SLC2A9: variants seen among roughly 807,000 people sequenced by gnomAD.
The protein encoded by SLC2A9 is solute carrier family 2, facilitated glucose transporter member 9.
In SLC2A9, 39 loss-of-function variants were observed where a neutral mutation model predicts 50.6. The ratio of observed to expected loss-of-function variants is 0.77; its 90% confidence interval spans 0.60 to 1.01. The LOEUF (loss-of-function observed/expected upper bound fraction) is 1.01. SLC2A9 is among the 50% of genes least tolerant of loss of function. The probability of loss-of-function intolerance (pLI) is 0.00; values close to 1 mark genes in which losing one functional copy is unlikely to be tolerated. For missense variants in SLC2A9, 686 were observed against 677.6 expected (o/e 1.01, Z -0.14); for synonymous variants, 324 against 276.9 (o/e 1.17, Z -1.69).
chr4:10,024,480 C>A (rs1206809059), upstream of SLC2A9, among the ~76,000 whole-genome samples: 1 of 152,112 alleles, frequency 6.6e-6, no homozygotes, highest in Non-Finnish European at 1.5e-5. Flanking sequence ...CACGTGAGGA[C>A]GCAGGGAGAA....
At chr4:9,844,150 A>T (rs1205771740) in intron 10 of SLC2A9, among the ~76,000 whole-genome samples, 1 of 16,748 alleles carries the variant, frequency 6.0e-5, no homozygotes, top group Non-Finnish European at 2.1e-4. Flanking sequence ...CAGATTTAGT[A>T]AAAAAAAAAT....
rs1393552557 is a variant in SLC2A9, at chr4:9,980,724, A to G, written c.549T>C (p.Ser183=). 1 of 1,614,190 alleles carries G rather than the reference A, an allele frequency of 6.2e-7. No individual in the cohort carries two copies. The highest frequency in any genetic ancestry group is 8.5e-7 in the Non-Finnish European group (1 of 1,180,016). Residue 183 remains serine, a synonymous_variant, in exon 5 of 12, where the codon AGT becomes AGC. Coordinates refer to ENST00000264784, the MANE Select transcript of SLC2A9 (RefSeq NM_020041.3). ...TCTCACTAAGGTACATGGGGAGCAC[A>G]CTGAGGGCGACGCCTGTAGAGAGAA... ...IMGIDGGVAL[S]VLPMYLSEIS...
At chr4:9,805,334 C>T (rs898474695) in intron 3 of SLC2A9, among the ~76,000 whole-genome samples, 10 of 152,218 alleles carry the variant, frequency 6.6e-5, no homozygotes, top group South Asian at 2.1e-4. Context: ...TCTGCTCAGA[C>T]GCAACACACA....
At chr4:9,966,889 G>A (rs1245243565) in intron 5 of SLC2A9, among the ~76,000 whole-genome samples, 3 of 152,100 alleles carry the variant, frequency 2.0e-5, no homozygotes, top group Admixed American at 6.5e-5. Context: ...ATCATACATA[G>A]AAATGAATTT....
Position 9,990,113 on chromosome 4 carries a change from C to T in SLC2A9, c.411-4320G>A, listed in dbSNP as rs1368611071. On this transcript the variant is annotated intron_variant, in intron 3 of 11. Coordinates refer to ENST00000264784, the MANE Select transcript of SLC2A9 (RefSeq NM_020041.3). Reference sequence around the variant, plus strand: ...GCTGTGCTCCCCGCTTGGCTGCATGCTTCAGGAGGACAGGGACTTTGGCAG... The same window carrying T: ...GCTGTGCTCCCCGCTTGGCTGCATGTTTCAGGAGGACAGGGACTTTGGCAG... Among the ~76,000 whole-genome samples, 9 of 152,072 alleles carry T rather than the reference C, an allele frequency of 5.9e-5. No homozygotes were observed. The South Asian group carries it at 6.2e-4, about 10-fold the overall frequency.
intron 3 of SLC2A9, among the ~76,000 whole-genome samples, chr4:9,810,217 C>T (rs184033171): frequency 6.6e-6 from 1 of 151,948 alleles, no homozygotes; most frequent in African/African-American, 2.4e-5. Context: ...AGAACATTAC[C>T]GAGTGCACAG....
intron 8 of SLC2A9, 145 bp downstream of exon 8, chr4:9,908,090 A>G (rs1322008160): frequency 1.4e-6 from 1 of 699,278 alleles, no homozygotes; most frequent in Non-Finnish European, 2.6e-6. Context: ...TAAAACCAAG[A>G]GTTTGCTGAA....
At chr4:9,800,879 C>A (rs1009167481) in intron 3 of SLC2A9, among the ~76,000 whole-genome samples, 4 of 152,148 alleles carry the variant, frequency 2.6e-5, no homozygotes, top group Admixed American at 2.0e-4. Context: ...GTCCTGAAAC[C>A]AATAGCCATG....
At chr4:10,007,096 T>A (rs1465405411) in intron 2 of SLC2A9, among the ~76,000 whole-genome samples, 2 of 152,230 alleles carry the variant, frequency 1.3e-5, no homozygotes, top group Non-Finnish European at 2.9e-5. Context: ...GTTCCACCAC[T>A]GTGATCAGTC....
downstream of SLC2A9, among the ~76,000 whole-genome samples, chr4:9,777,278 C>T (rs1353685715): frequency 2.0e-5 from 3 of 148,250 alleles, no homozygotes; most frequent in African/African-American, 7.4e-5. Context: ...AAAGAGCTCC[C>T]TTGCCCCCGT....
In SLC2A9 at chr4:9,826,534, A is replaced by G. The variant is rs759684918; in HGVS notation, c.1486T>C (p.Tyr496His). ...TTTTTGGTCTCAGGCAGCACAAAATACAGGTAGATAGCACCTGTGATACAA... is the reference window on the plus strand; with the variant it reads ...TTTTTGGTCTCAGGCAGCACAAAATGCAGGTAGATAGCACCTGTGATACAA... ...TICITGAIYLYFVLPETKNRT... is the reference protein window; with the variant it reads ...TICITGAIYLHFVLPETKNRT... Residue 496 changes from tyrosine (Y) to histidine (H), a missense_variant, in exon 12 of 12, where the codon TAT becomes CAT. By Grantham distance (83) the Tyr-to-His change is moderately conservative. Coordinates refer to ENST00000264784, the MANE Select transcript of SLC2A9 (RefSeq NM_020041.3). 6.2e-7 allele frequency: 1 copy of G among 1,614,120 alleles called. No homozygotes were observed. Among genetic ancestry groups the G allele is most frequent in the South Asian group, 1.1e-5 (1 of 91,082 alleles).
chr4:9,916,538 T>C (rs1742877301), intron 7 of SLC2A9, among the ~76,000 whole-genome samples: 1 of 152,150 alleles, frequency 6.6e-6, no homozygotes, highest in African/African-American at 2.4e-5. Context: ...TGGGAGGAGA[T>C]TCATGCAAGC....
chr4:10,033,167 G>C (rs572780009), intron 1 of SLC2A9, among the ~76,000 whole-genome samples: 2 of 152,272 alleles, frequency 1.3e-5, no homozygotes, highest in South Asian at 4.2e-4. Flanking sequence ...ATTATCACTT[G>C]CTCGAGTGTG....
rs1449987252 is a variant in SLC2A9, at chr4:9,924,361, A to T, written c.815-3789T>A. Reference sequence around the variant, plus strand: ...GTGTGTGCTCAGCCCTCAGCAGTTAACACCCCCAGGAGCAGCCCTCGGTTA... The same window carrying T: ...GTGTGTGCTCAGCCCTCAGCAGTTATCACCCCCAGGAGCAGCCCTCGGTTA... On this transcript the variant is annotated intron_variant, in intron 6 of 11. Coordinates refer to ENST00000264784, the MANE Select transcript of SLC2A9 (RefSeq NM_020041.3). 2.0e-5 allele frequency among the ~76,000 whole-genome samples: 3 copies of T among 152,094 alleles called. No homozygotes were observed. In the East Asian group the frequency reaches 5.8e-4, roughly 29 times the overall value.
chr4:9,801,507 A>G (rs1721400195), intron 3 of SLC2A9, among the ~76,000 whole-genome samples: 1 of 152,228 alleles, frequency 6.6e-6, no homozygotes, highest in South Asian at 2.1e-4. Flanking sequence ...GAATGCAGTC[A>G]ACACTGTAGC....
intron 5 of SLC2A9, among the ~76,000 whole-genome samples, chr4:9,964,420 T>A (rs1392162798): frequency 6.6e-6 from 1 of 152,178 alleles, no homozygotes; most frequent in Admixed American, 6.5e-5. Flanking sequence ...AAACTTCTTT[T>A]CTCCTATTTC....
intron 3 of SLC2A9, among the ~76,000 whole-genome samples, chr4:9,803,145 G>A (rs1280247878): frequency 6.6e-6 from 1 of 152,182 alleles, no homozygotes; most frequent in Non-Finnish European, 1.5e-5. Context: ...AGCCTTTGTA[G>A]GTTTCAGTCT....
chr4:9,850,457 T>A (rs1421531198), intron 10 of SLC2A9, among the ~76,000 whole-genome samples: 1 of 152,140 alleles, frequency 6.6e-6, no homozygotes, highest in Non-Finnish European at 1.5e-5. Flanking sequence ...GCCTGTGGGA[T>A]GAGGCCGGTA....
intron 3 of SLC2A9, among the ~76,000 whole-genome samples, chr4:9,990,100 G>T (rs1241181119): frequency 6.6e-6 from 1 of 152,062 alleles, no homozygotes; most frequent in African/African-American, 2.4e-5. Flanking sequence ...TGTGCTCCCC[G>T]CTTGGCTGCA....
Sources: gnomAD v4.1 joint callset for allele counts (sites outside exome capture counted in the v4.1 genomes callset) on GRCh38, gnomAD v4.1.1 for gene constraint, MANE v1.5 for transcripts, NCBI Gene and HGNC (gene_info 2026-07-23, HGNC 2026-07-21) for gene names.